PLEKHD1: variants seen among roughly 807,000 people sequenced by gnomAD.
PLEKHD1 encodes pleckstrin homology and coiled-coil domain containing D1.
PLEKHD1 carries 51 observed loss-of-function variants against 69.2 expected under a neutral mutation model. The ratio of observed to expected loss-of-function variants is 0.74; its 90% CI spans 0.59 to 0.93. The LOEUF (loss-of-function observed/expected upper bound fraction) is 0.93, where lower values mean the gene tolerates loss of function less well. PLEKHD1 is among the 40% of genes least tolerant of loss of function. The pLI is 0.00. For missense variants in PLEKHD1, 584 were observed against 641.0 expected, an observed-to-expected ratio of 0.91 and a Z score of 0.96; for synonymous variants, 236 against 244.7, an observed-to-expected ratio of 0.96 and a Z score of 0.33.
chr14:69,494,400 C>T (rs959689562), intron 1 of PLEKHD1, among the ~76,000 whole-genome samples: 1 of 152,154 alleles, frequency 6.6e-6, no homozygotes, highest in Admixed American at 6.5e-5. Flanking sequence ...GGAGCAGCTC[C>T]TTAGGCAGTG....
At chr14:69,471,966 G>T in the PLEKHD1 span, among the ~76,000 whole-genome samples, 2 of 152,098 alleles carry the variant, frequency 1.3e-5, no homozygotes, top group African/African-American at 4.8e-5. Flanking sequence ...TGGTGAAACG[G>T]CTGCTTCACG....
At chr14:69,490,523 C>T (rs1398338267) in intron 1 of PLEKHD1, among the ~76,000 whole-genome samples, 2 of 152,170 alleles carry the variant, frequency 1.3e-5, no homozygotes, top group Non-Finnish European at 2.9e-5. Flanking sequence ...TTGAAGACTC[C>T]TGTTTTACAC....
At position 69,527,821 on chromosome 14, in the gene PLEKHD1, G is replaced by A. The variant is rs1566567505; in HGVS notation, c.1240G>A (p.Ala414Thr). ...EECIRNAELEAKMPVIMKNSV... is the reference protein window; with the variant it reads ...EECIRNAELETKMPVIMKNSV... ...GTGCATCCGGAATGCCGAGCTGGAG[G>A]CCAAGATGCCTGTGATCATGAAGAA... The change falls in exon 12 of 13, where the codon GCC becomes ACC. Residue 414 changes from alanine (A) to threonine (T), a missense_variant. Ala to Thr is a moderately conservative substitution (Grantham distance 58). Coordinates refer to ENST00000322564, the MANE Select transcript of PLEKHD1 (RefSeq NM_001161498.2). 6.4e-7 allele frequency: 1 copy of A among 1,551,496 alleles called. No homozygotes were observed. The highest frequency in any genetic ancestry group is 2.0e-5 in the Admixed American group (1 of 50,998).
At chr14:69,516,477 C>A (rs1005217855) in intron 6 of PLEKHD1, among the ~76,000 whole-genome samples, 1 of 152,016 alleles carries the variant, frequency 6.6e-6, no homozygotes, top group African/African-American at 2.4e-5. Context: ...TTTCATCATA[C>A]CTTCATTAAC....
At position 69,528,725 on chromosome 14, in the gene PLEKHD1, G is replaced by T. The variant is rs1418823908; in HGVS notation, c.*306G>T. 9 of 382,030 alleles carry T rather than the reference G, an allele frequency of 2.4e-5. No individual in the cohort carries two copies. The East Asian group carries it at 4.4e-4, about 19-fold the overall frequency. The allele number at this position is 382,030 out of a possible 1,614,324, so 23.7% of individuals were successfully genotyped here. On this transcript the variant is annotated 3_prime_UTR_variant, in exon 13 of 13. Transcript: ENST00000322564. ...GTATGTGGAGATTTGTGTCGGTTAG[G>T]GAGTGGGGTGGGGAGGTGCTGTCTA... is the stretch of plus-strand genomic sequence containing the variant.
intron 1 of PLEKHD1, among the ~76,000 whole-genome samples, chr14:69,485,846 C>T (rs1882644234): frequency 6.6e-6 from 1 of 152,196 alleles, no homozygotes; most frequent in African/African-American, 2.4e-5. Context: ...ACAGGGTAGT[C>T]CCAACCATCC....
chr14:69,470,858 C>T, the PLEKHD1 span, among the ~76,000 whole-genome samples: 3 of 151,296 alleles, frequency 2.0e-5, no homozygotes, highest in South Asian at 6.2e-4. Flanking sequence ...GCTCCGCGAT[C>T]TCGGCTCACT....
chr14:69,511,651 G>A (rs1191268116), intron 6 of PLEKHD1, among the ~76,000 whole-genome samples: 4 of 152,068 alleles, frequency 2.6e-5, no homozygotes, highest in African/African-American at 9.7e-5. Flanking sequence ...CCAGGTTCAA[G>A]GGATCCTCGT....
At chr14:69,523,704 G>T (rs1883573513) in intron 7 of PLEKHD1, among the ~76,000 whole-genome samples, 2 of 152,188 alleles carry the variant, frequency 1.3e-5, no homozygotes, top group South Asian at 4.1e-4. Flanking sequence ...AGGGCTGAGT[G>T]AGATGGGCCT....
In PLEKHD1 at chr14:69,500,217, G is replaced by A. The variant is rs1304557738; in HGVS notation, c.243+9G>A. 3 of 1,536,432 alleles carry A rather than the reference G, an allele frequency of 2.0e-6. No individual in the cohort carries two copies. The highest frequency in any genetic ancestry group is 2.6e-6 in the Non-Finnish European group (3 of 1,133,610). Reference sequence around the variant, plus strand: ...TCAATATACATCCTAAGGTGAGGCGGCCCCTCCCAGGGCCACAGCAGGGGA... The same window carrying A: ...TCAATATACATCCTAAGGTGAGGCGACCCCTCCCAGGGCCACAGCAGGGGA... On this transcript the variant is annotated intron_variant, in intron 2 of 12. Coordinates refer to ENST00000322564, the MANE Select transcript of PLEKHD1 (RefSeq NM_001161498.2).
At chr14:69,498,181 C>T (rs536649436) in intron 1 of PLEKHD1, among the ~76,000 whole-genome samples, 57 of 151,248 alleles carry the variant, frequency 3.8e-4, no homozygotes, top group African/African-American at 1.1e-3. Context: ...TGGGTTCAAG[C>T]GATTCTCCTG....
chr14:69,527,049 A>T, intron 10 of PLEKHD1, 139 bp from the exon 11 acceptor site: 1 of 1,222,064 alleles, frequency 8.2e-7, no homozygotes, highest in Non-Finnish European at 1.1e-6. Context: ...TCTGGTTCAA[A>T]GGGTAAGACT....
chr14:69,506,850 T>C (rs1883161170), intron 6 of PLEKHD1, among the ~76,000 whole-genome samples: 1 of 144,506 alleles, frequency 6.9e-6, no homozygotes, highest in African/African-American at 2.5e-5. Flanking sequence ...TTCACTGCCC[T>C]AAAAATGCTC....
chr14:69,500,992 G>A, intron 4 of PLEKHD1, 45 bp downstream of exon 4: 1 of 1,541,198 alleles, frequency 6.5e-7, no homozygotes, highest in Non-Finnish European at 8.8e-7. Flanking sequence ...TCCAGGATGG[G>A]GTGGGCGGGG....
intron 6 of PLEKHD1, among the ~76,000 whole-genome samples, chr14:69,508,195 TGAG>T (rs1320691978): frequency 6.6e-6 from 1 of 151,982 alleles, no homozygotes; most frequent in Non-Finnish European, 1.5e-5. Flanking sequence ...GATCATGAGA[TGAG>T]GAGTTCGAGA....
intron 3 of PLEKHD1, 57 bp downstream of exon 3, chr14:69,500,723 C>A: frequency 2.0e-6 from 3 of 1,534,032 alleles, no homozygotes; most frequent in Non-Finnish European, 2.6e-6. Context: ...GCCTCTCAGG[C>A]CTCTTCAGGA....
Position 69,522,308 on chromosome 14 carries a change from T to C in PLEKHD1, c.581T>C (p.Leu194Pro). The part of the protein sequence containing the change: ...REELERLNQV[L>P]EAEKQQFEEV... ...GAGCTTGAGCGCCTTAACCAGGTGCTGGAGGCCGAGAAGCAGCAGTTCGAG... is the reference window on the plus strand; with the variant it reads ...GAGCTTGAGCGCCTTAACCAGGTGCCGGAGGCCGAGAAGCAGCAGTTCGAG... Residue 194 changes from leucine to proline, a missense_variant, in exon 7 of 13, where the codon CTG becomes CCG. Coordinates refer to ENST00000322564, the MANE Select transcript of PLEKHD1 (RefSeq NM_001161498.2). 6.4e-7 allele frequency: 1 copy of C among 1,551,546 alleles called. No individual in the cohort carries two copies. Among genetic ancestry groups the C allele is most frequent in the Non-Finnish European group, 8.7e-7 (1 of 1,146,918 alleles).
chr14:69,502,752 G>T (rs1352019989), intron 5 of PLEKHD1, 75 bp from the exon 6 acceptor site: 2 of 1,537,250 alleles, frequency 1.3e-6, no homozygotes, highest in African/African-American at 2.7e-5. Context: ...ACCACCTCAG[G>T]CACCAGCTCC....
At chr14:69,515,065 G>C (rs1883353513) in intron 6 of PLEKHD1, among the ~76,000 whole-genome samples, 1 of 152,136 alleles carries the variant, frequency 6.6e-6, no homozygotes, top group African/African-American at 2.4e-5. Flanking sequence ...TGGTGTGGTG[G>C]TGCATGCCTG....
Sources: allele counts gnomAD v4.1 joint callset (sites outside exome capture counted in the v4.1 genomes callset), GRCh38; gene constraint gnomAD v4.1.1; transcripts MANE v1.5; gene names NCBI Gene and HGNC (gene_info 2026-07-23, HGNC 2026-07-21).